Variants in MTHFD1L observed in about 807,000 individuals in gnomAD.
MTHFD1L encodes methylenetetrahydrofolate dehydrogenase (NADP+ dependent) 1 like.
Under a neutral mutation model 119.5 loss-of-function variants are expected in MTHFD1L, and 81 were observed. The observed-to-expected ratio is 0.68, with a 90% CI of 0.57 to 0.82. MTHFD1L has a LOEUF of 0.82. Ranked by LOEUF, MTHFD1L falls within the 40% of genes least tolerant of loss-of-function variation. MTHFD1L has a pLI of 0.00. For missense variants in MTHFD1L, 1,125 were observed against 1,253.4 expected, an observed-to-expected ratio of 0.90 and a Z score of 1.55; for synonymous variants, 430 against 475.2, an observed-to-expected ratio of 0.90 and a Z score of 1.24.
intron 26 of MTHFD1L, among the ~76,000 whole-genome samples, chr6:151,069,312 A>G (rs1293796309): frequency 2.1e-5 from 3 of 144,748 alleles, no homozygotes; most frequent in South Asian, 4.4e-4. Context: ...GGACCTCCCT[A>G]ATCCTCCAGG....
intron 26 of MTHFD1L, among the ~76,000 whole-genome samples, chr6:151,077,620 G>A (rs1390341218): frequency 6.6e-6 from 1 of 152,204 alleles, no homozygotes. Flanking sequence ...GGTAGAGGTT[G>A]CAGTGAGCCA....
rs190917147 is a variant in MTHFD1L, at chr6:151,088,727, G to T, written c.2848-3740G>T. 2.9e-4 allele frequency among the ~76,000 whole-genome samples: 44 copies of T among 151,474 alleles called. No individual in the cohort carries two copies. In the East Asian group the frequency reaches 8.5e-3, roughly 29 times the overall value. On this transcript the variant is annotated intron_variant, in intron 26 of 27. Transcript: ENST00000367321. Reference sequence around the variant, plus strand: ...CCGCCTCGGCCTCCCAAAATGCTGGGATTACAGGCATGAGCCACTGCGCCC... The same window carrying T: ...CCGCCTCGGCCTCCCAAAATGCTGGTATTACAGGCATGAGCCACTGCGCCC...
intron 4 of MTHFD1L, among the ~76,000 whole-genome samples, 171 bp from the exon 5 acceptor site, chr6:150,882,591 A>G (rs1323719806): frequency 6.6e-6 from 1 of 152,128 alleles, no homozygotes; most frequent in Non-Finnish European, 1.5e-5. Flanking sequence ...TGATGAAAAG[A>G]AAAAAATAGG....
chr6:151,038,394 G>A (rs1313229603), intron 26 of MTHFD1L, among the ~76,000 whole-genome samples: 1 of 152,090 alleles, frequency 6.6e-6, no homozygotes, highest in Non-Finnish European at 1.5e-5. Context: ...GTGATCCGAT[G>A]TGGCTGGAGT....
chr6:151,051,595 G>A (rs999632530), intron 26 of MTHFD1L, among the ~76,000 whole-genome samples: 1 of 152,172 alleles, frequency 6.6e-6, no homozygotes, highest in Admixed American at 6.5e-5. Context: ...TCACAGGGCC[G>A]TGCATGCTGA....
chr6:151,013,876 T>A, intron 22 of MTHFD1L, 56 bp downstream of exon 22: 1 of 1,515,262 alleles, frequency 6.6e-7, no homozygotes, highest in Non-Finnish European at 9.1e-7. Flanking sequence ...CAGTGACTCG[T>A]TGGCTTTCAG....
chr6:150,899,076 T>C, intron 7 of MTHFD1L: 1 of 784,674 alleles, frequency 1.3e-6, no homozygotes, highest in South Asian at 5.5e-5. Context: ...GAATTGTCTT[T>C]TCTAGCATTT....
At chr6:151,080,978 C>T (rs1367114337) in intron 26 of MTHFD1L, among the ~76,000 whole-genome samples, 1 of 152,078 alleles carries the variant, frequency 6.6e-6, no homozygotes, top group Admixed American at 6.6e-5. Context: ...ATCATGGCTC[C>T]CTACAGCCTC....
intron 24 of MTHFD1L, among the ~76,000 whole-genome samples, chr6:151,021,261 A>G (rs906081814): frequency 6.6e-6 from 1 of 152,132 alleles, no homozygotes; most frequent in African/African-American, 2.4e-5. Flanking sequence ...AAAGCAGGCA[A>G]TGAAGGCCAG....
At chr6:150,999,986 T>C (rs1780381315) in intron 20 of MTHFD1L, among the ~76,000 whole-genome samples, 1 of 152,196 alleles carries the variant, frequency 6.6e-6, no homozygotes, top group Non-Finnish European at 1.5e-5. Flanking sequence ...TCCCCTAATG[T>C]GTATGAACTT....
Position 151,015,571 on chromosome 6 carries a change from G to T in MTHFD1L, c.2464G>T (p.Ala822Ser). ...LVCELAKRAG[A>S]FDAVPCYHWS... ...GTGTGAGCTTGCAAAGCGGGCTGGT[G>T]CCTTTGATGCAGTCCCCTGCTATCA... Residue 822 changes from alanine to serine, a missense_variant, in exon 24 of 28, where the codon GCC becomes TCC. By Grantham distance (99) the Ala-to-Ser change is moderately conservative. Transcript: ENST00000367321. The T allele has an allele frequency of 6.2e-7, 1 of 1,614,180 alleles. No individual in the cohort carries two copies. The highest frequency in any genetic ancestry group is 8.5e-7 in the Non-Finnish European group (1 of 1,180,030).
At chr6:150,925,507 A>G (rs1170051909) in intron 10 of MTHFD1L, among the ~76,000 whole-genome samples, 7 of 152,192 alleles carry the variant, frequency 4.6e-5, no homozygotes, top group Non-Finnish European at 1.0e-4. Context: ...TTCCTGTCTG[A>G]ACTTGGGCTC....
chr6:150,898,351 G>T (rs978272373), intron 7 of MTHFD1L, among the ~76,000 whole-genome samples: 3 of 152,130 alleles, frequency 2.0e-5, no homozygotes, highest in Non-Finnish European at 4.4e-5. Flanking sequence ...AACGCAGGTC[G>T]CAGGACTCCA....
intron 24 of MTHFD1L, among the ~76,000 whole-genome samples, chr6:151,033,944 G>A (rs1785723729): frequency 6.6e-6 from 1 of 152,138 alleles, no homozygotes; most frequent in African/African-American, 2.4e-5. Flanking sequence ...GGGAGGCCGA[G>A]GTGGACAGTT....
chr6:151,004,035 A>G (rs1205097227), intron 20 of MTHFD1L, among the ~76,000 whole-genome samples: 2 of 145,720 alleles, frequency 1.4e-5, no homozygotes, highest in East Asian at 2.1e-4. Context: ...AAAGAGAGAG[A>G]GAGATTGGTG....
Position 151,039,917 on chromosome 6 carries a change from A to AATACATACATAC in MTHFD1L, c.2847+2819_2847+2830dup, listed in dbSNP as rs112663874. On this transcript the variant is annotated intron_variant, in intron 26 of 27. Transcript: ENST00000367321. The surrounding 1 kb of genome is among the most constrained non-coding windows in gnomAD (Gnocchi z 4.4). ...GTGACAGAGCAAGACTTCATCTCTA[A>AATACATACATAC]ATACATACATACATACATACATACA... 0.016 allele frequency among the ~76,000 whole-genome samples: 2,416 copies of AATACATACATAC among 148,700 alleles called. 23 individuals carry two copies. Among genetic ancestry groups the AATACATACATAC allele is most frequent in the Non-Finnish European group, 0.02 (1,362 of 67,438 alleles).
chr6:150,965,124 TA>T, intron 19 of MTHFD1L, 87 bp downstream of exon 19: 1 of 1,165,780 alleles, frequency 8.6e-7, no homozygotes, highest in Non-Finnish European at 1.3e-6. Context: ...GAGGCAGGCA[TA>T]GAGCATGCCT....
intron 26 of MTHFD1L, among the ~76,000 whole-genome samples, chr6:151,090,450 C>G (rs1344381819): frequency 6.6e-6 from 1 of 152,228 alleles, no homozygotes; most frequent in Non-Finnish European, 1.5e-5. Flanking sequence ...GGGGTGGGCT[C>G]TGAAATTCCG....
intron 26 of MTHFD1L, among the ~76,000 whole-genome samples, chr6:151,071,034 C>G (rs12192085): frequency 0.24 from 35,780 of 152,124 alleles, 4,356 homozygotes; most frequent in South Asian, 0.32. Context: ...ATTCTAAGCC[C>G]AGTTCCAGAT....
Sources: gnomAD v4.1 joint callset for allele counts (sites outside exome capture counted in the v4.1 genomes callset) on GRCh38, gnomAD v4.1.1 for gene constraint, Gnocchi (gnomAD v3.1) non-coding constraint, MANE v1.5 for transcripts, NCBI Gene and HGNC (gene_info 2026-07-23, HGNC 2026-07-21) for gene names.